Variants in ZFC3H1 observed in about 807,000 individuals in gnomAD.
ZFC3H1 encodes zinc finger C3H1 domain-containing protein.
ZFC3H1 carries 71 observed loss-of-function variants against 243.7 expected under a neutral mutation model. That is an observed-to-expected ratio of 0.29 (90% confidence interval 0.24 to 0.36). The LOEUF is 0.36. Among genes scored for constraint, ZFC3H1 ranks in the 10% least tolerant of loss-of-function variants. The pLI, the probability that ZFC3H1 is intolerant of heterozygous loss-of-function variation, is 1.00. For synonymous variants in ZFC3H1, 838 were observed against 813.0 expected (o/e 1.03, Z -0.52); for missense variants, 1,966 against 2,317.1 (o/e 0.85, Z 3.11).
Position 71,616,011 on chromosome 12 carries a change from C to G in ZFC3H1, c.5145-695G>C, listed in dbSNP as rs79259380. On this transcript the variant is annotated intron_variant, in intron 27 of 34. Coordinates refer to ENST00000378743, the MANE Select transcript of ZFC3H1 (RefSeq NM_144982.5). ...TTGTTAAAAAAAAGATTTACAAGGCCTGGGGCTGTGGCTCACACCTGTAAT... is the reference window on the plus strand; with the variant it reads ...TTGTTAAAAAAAAGATTTACAAGGCGTGGGGCTGTGGCTCACACCTGTAAT... Among the ~76,000 whole-genome samples, 1,027 of 152,130 alleles carry G rather than the reference C, an allele frequency of 6.8e-3. 14 individuals carry two copies. Among genetic ancestry groups the G allele is most frequent in the African/African-American group, 0.024 (976 of 41,504 alleles).
chr12:71,619,462 A>C (rs1323223499), intron 26 of ZFC3H1, 53 bp from the exon 27 acceptor site: 1 of 1,537,484 alleles, frequency 6.5e-7, no homozygotes, highest in African/African-American at 1.4e-5. Flanking sequence ...TGTTTAATTA[A>C]AATGTCACGA....
At chr12:71,621,429 G>A (rs372430941) in intron 24 of ZFC3H1, among the ~76,000 whole-genome samples, 3 of 151,782 alleles carry the variant, frequency 2.0e-5, no homozygotes, top group African/African-American at 4.8e-5. Flanking sequence ...TCAGCCTCCC[G>A]AGTAGTTGGG....
chr12:71,653,246 T>C (rs1419055220), intron 2 of ZFC3H1, among the ~76,000 whole-genome samples: 1 of 152,124 alleles, frequency 6.6e-6, no homozygotes, highest in Non-Finnish European at 1.5e-5. Flanking sequence ...AAAACTGTAA[T>C]TGAAATGTAA....
Position 71,619,362 on chromosome 12 carries a change from G to A in ZFC3H1, c.5097C>T (p.Ser1699=), listed in dbSNP as rs1180451972. ...ACTTCTCAAACCCCGGTTTAAAGAA[G>A]GATGCAATAAATTTCCGCAAAAATG... ...LLPFLRKFIA[S]FFKPGFEKYN... is the part of the protein sequence containing the mutation. The change falls in exon 27 of 35, where the codon TCC becomes TCT. Residue 1699 remains serine (S), a synonymous_variant. Coordinates refer to ENST00000378743, the MANE Select transcript of ZFC3H1 (RefSeq NM_144982.5). 6.2e-7 allele frequency: 1 copy of A among 1,613,370 alleles called. No homozygotes were observed. Among genetic ancestry groups the A allele is most frequent in the Non-Finnish European group, 8.5e-7 (1 of 1,179,746 alleles).
Position 71,613,418 on chromosome 12 carries a change from C to T in ZFC3H1, c.5544G>A (p.Leu1848=). 1 of 1,605,410 alleles carries T rather than the reference C, an allele frequency of 6.2e-7. No homozygotes were observed. The change falls in exon 31 of 35, where the codon TTG becomes TTA. Residue 1848 remains leucine (L), a synonymous_variant. Coordinates refer to ENST00000378743, the MANE Select transcript of ZFC3H1 (RefSeq NM_144982.5). ...AATGCTGGGTCTTTGGAACACAGCT[C>T]AAATAAAAGAAAATAACCTGTAAAG... The part of the protein sequence containing the change: ...EFHNRVIFFY[L]SCVPKTQHSK...
At chr12:71,624,027 A>G (rs1880096515) in intron 23 of ZFC3H1, 77 bp downstream of exon 23, 1 of 1,380,984 alleles carries the variant, frequency 7.2e-7, no homozygotes, top group Non-Finnish European at 9.8e-7. Flanking sequence ...CAACCATTAA[A>G]TAATGCTATG....
At chr12:71,611,119 A>AG (rs766768755) in intron 32 of ZFC3H1, 22 bp from the exon 33 acceptor site, 2 of 1,534,858 alleles carry the variant, frequency 1.3e-6, no homozygotes, top group Non-Finnish European at 1.7e-6. Context: ...AAAAAAAAAA[A>AG]GAAATATAGA....
At chr12:71,635,614 C>G (rs1880439216) in intron 9 of ZFC3H1, 34 bp from the exon 10 acceptor site, 7 of 1,502,214 alleles carry the variant, frequency 4.7e-6, no homozygotes, top group Non-Finnish European at 6.2e-6. Context: ...CTCGTGATAA[C>G]AAAAGGATGT....
Position 71,656,578 on chromosome 12 carries a change from ACAT to A in ZFC3H1, c.1015+304_1015+306del, listed in dbSNP as rs1366492206. 4.7e-6 allele frequency: 3 copies of A among 637,260 alleles called. No homozygotes were observed. In the African/African-American group the frequency reaches 5.6e-5, roughly 12 times the overall value. The allele number at this position is 637,260 out of a possible 1,614,324, so 39.5% of individuals were successfully genotyped here. On this transcript the variant is annotated intron_variant, in intron 2 of 34. Transcript: ENST00000378743. ...ATAAGGGATACCTACAAAAAAATTA[ACAT>A]CATATTTAATGGTAAATGTCAAAAC...
intron 4 of ZFC3H1, among the ~76,000 whole-genome samples, chr12:71,644,588 G>A (rs1340739809): frequency 6.6e-6 from 1 of 151,906 alleles, no homozygotes; most frequent in African/African-American, 2.4e-5. Flanking sequence ...AGGCTGAGGC[G>A]AGTGGATCAC....
Position 71,619,400 on chromosome 12 carries a change from C to T in ZFC3H1, c.5059G>A (p.Asp1687Asn), listed in dbSNP as rs1407780737. 12 of 1,613,178 alleles carry T rather than the reference C, an allele frequency of 7.4e-6. No homozygotes were observed. The highest frequency in any genetic ancestry group is 1.0e-5 in the Non-Finnish European group (12 of 1,179,530). The change falls in exon 27 of 35, where the codon GAT becomes AAT. Residue 1687 changes from aspartate (D) to asparagine (N), a missense_variant. Physicochemically the swap from Asp to Asn is conservative, Grantham distance 23. Around this residue, in one of 4 missense-constraint regions of ZFC3H1, gnomAD observed 1,383 missense variants for 1,723.7 expected, o/e 0.80. Transcript: ENST00000378743. ...TTCCGCAAAAATGGAAGAAGATTAT[C>T]GCCTCGATTCTATTTTAAAAAGAGG... The part of the protein sequence containing the change: ...CKFFILQNRG[D>N]NLLPFLRKFI...
At chr12:71,660,841 G>A (rs969021129) in intron 1 of ZFC3H1, among the ~76,000 whole-genome samples, 1 of 151,864 alleles carries the variant, frequency 6.6e-6, no homozygotes, top group African/African-American at 2.4e-5. Flanking sequence ...ATATAAACTG[G>A]TGGCTCTCGC....
chr12:71,663,825 T>G lies in ZFC3H1; in HGVS notation c.-215A>C. 1 of 586,504 alleles carries G rather than the reference T, an allele frequency of 1.7e-6. No individual in the cohort carries two copies. The allele number at this position is 586,504 out of a possible 1,614,324, so 36.3% of individuals were successfully genotyped here. On this transcript the variant is annotated 5_prime_UTR_variant, in exon 1 of 35. Transcript: ENST00000378743. ...CCCAGTTCCCTTTCCTAGCGCCCCC[T>G]TGCTCCTCAGCGATCGGGGTTCTTC...
intron 2 of ZFC3H1, chr12:71,656,530 G>T: frequency 1.5e-6 from 1 of 659,522 alleles, no homozygotes; most frequent in South Asian, 1.7e-5. Context: ...ACCAGGAATA[G>T]GAGTAAAACC....
intron 24 of ZFC3H1, among the ~76,000 whole-genome samples, chr12:71,622,608 G>A (rs1425871338): frequency 3.9e-5 from 6 of 152,086 alleles, no homozygotes; most frequent in Admixed American, 2.0e-4. Flanking sequence ...GAATACAGGC[G>A]TGAATCACCA....
rs748783883 is a variant in ZFC3H1, at chr12:71,663,304, T to C, written c.307A>G (p.Ser103Gly). ...SERGHLRGPS[S>G]YRPKEPFRSH... ...CGGAACGGTTCTTTGGGTCGGTAGC[T>C]GCTGGGTCCCCTGAGGTGGCCCCGC... is the stretch of plus-strand genomic sequence containing the variant. The change falls in exon 1 of 35, where the codon AGC (serine) becomes GGC (glycine). Residue 103 changes from serine (S) to glycine (G), a missense_variant. Ser to Gly is a moderately conservative substitution (Grantham distance 56). This residue lies in a region of ZFC3H1 where 484 missense variants were observed against 449.7 expected (regional missense o/e 1.08). Transcript: ENST00000378743. The C allele has an allele frequency of 7.3e-5, 118 of 1,613,284 alleles. No individual in the cohort carries two copies. The highest frequency in any genetic ancestry group is 8.2e-5 in the Non-Finnish European group (97 of 1,180,040).
At chr12:71,623,114 A>G (rs1257209691) in intron 24 of ZFC3H1, among the ~76,000 whole-genome samples, 1 of 152,186 alleles carries the variant, frequency 6.6e-6, no homozygotes, top group Non-Finnish European at 1.5e-5. Flanking sequence ...TTTAACAGAT[A>G]TCCTTTGCCA....
At position 71,636,636 on chromosome 12, in the gene ZFC3H1, C is replaced by T; in HGVS notation, c.1954G>A (p.Asp652Asn). Residue 652 changes from aspartate to asparagine, a missense_variant, in exon 9 of 35, where the codon GAC becomes AAC. Coordinates refer to ENST00000378743, the MANE Select transcript of ZFC3H1 (RefSeq NM_144982.5). The stretch of plus-strand genomic sequence containing the variant: ...TTCAGAACTGGAGGTGAAGGTGGGT[C>T]ACTATTACTGGATGTTTCCTACATA... ...FKPEETSSNS[D>N]PPSPPVLNNS... 1 of 1,611,028 alleles carries T rather than the reference C, an allele frequency of 6.2e-7. No individual in the cohort carries two copies. Among genetic ancestry groups the T allele is most frequent in the East Asian group, 2.2e-5 (1 of 44,850 alleles).
intron 6 of ZFC3H1, among the ~76,000 whole-genome samples, chr12:71,640,124 C>G (rs184403088): frequency 1.3e-5 from 2 of 152,268 alleles, no homozygotes; most frequent in African/African-American, 4.8e-5. Context: ...CAGGTTCAAG[C>G]GATTCTCCTG....
Sources: gnomAD v4.1 joint callset for allele counts (sites outside exome capture counted in the v4.1 genomes callset) on GRCh38, gnomAD v4.1.1 for gene constraint, gnomAD v4.1.1 regional missense constraint, MANE v1.5 for transcripts, NCBI Gene and HGNC (gene_info 2026-07-23, HGNC 2026-07-21) for gene names.